The following RARB variants were observed in gnomAD, a reference collection of about 807,000 sequenced individuals.
RARB encodes HBV-activated protein.
Under a neutral mutation model 51.9 loss-of-function variants are expected in RARB, and 17 were observed. The ratio of observed to expected loss-of-function variants is 0.33; its 90% CI spans 0.22 to 0.49. The LOEUF (loss-of-function observed/expected upper bound fraction) is 0.49. Among genes scored for constraint, RARB ranks in the 20% least tolerant of loss-of-function variants. The pLI is 0.99. For synonymous variants in RARB, 215 were observed against 195.4 expected (o/e 1.10, Z -0.84); for missense variants, 369 against 550.8 (o/e 0.67, Z 3.30).
rs373586842 is a variant in RARB, at chr3:25,206,906, G to A, written c.178+32331G>A. On this transcript the variant is annotated intron_variant, in intron 5 of 11. Coordinates refer to the RARB transcript ENST00000383772. Reference sequence around the variant, plus strand: ...GTGCCTCTCCAGTTGTCAGTCACAGGTGCACCCACAGCTACTTGACCACAT... The same window carrying A: ...GTGCCTCTCCAGTTGTCAGTCACAGATGCACCCACAGCTACTTGACCACAT... Among the ~76,000 whole-genome samples the A allele has an allele frequency of 5.9e-4, 90 of 152,212 alleles. 2 individuals carry two copies. The South Asian group carries it at 0.015, about 25-fold the overall frequency.
chr3:25,383,084 A>G (rs940151748), intron 5 of RARB, among the ~76,000 whole-genome samples: 4 of 152,214 alleles, frequency 2.6e-5, no homozygotes, highest in African/African-American at 9.6e-5. Context: ...TGCATCTACT[A>G]TGCAAGTACA....
Position 25,048,790 on chromosome 3 carries a change from CTG to C in RARB, c.-379-11333_-379-11332del, listed in dbSNP as rs1245555745. On this transcript the variant is annotated intron_variant, in intron 2 of 11. Transcript: ENST00000383772. ...TTTTTTTTTGAGACGGAGTCTCGCTCTGTTGCCCAGGCTGGAGTGCAGTGGCG... is the reference window on the plus strand; with the variant it reads ...TTTTTTTTTGAGACGGAGTCTCGCTCTTGCCCAGGCTGGAGTGCAGTGGCG... Among the ~76,000 whole-genome samples the C allele has an allele frequency of 1.0e-3, 134 of 132,006 alleles. 2 individuals carry two copies. The highest frequency in any genetic ancestry group is 7.3e-4 in the South Asian group (3 of 4,120). The allele number at this position is 132,006 out of a possible 152,430, so 86.6% of individuals were successfully genotyped here. A position where few individuals can be genotyped will look rare whatever the true frequency, so the allele number is the denominator to read the frequency against.
chr3:25,431,705 T>C (rs1317471601), intron 1 of RARB, among the ~76,000 whole-genome samples: 2 of 152,280 alleles, frequency 1.3e-5, no homozygotes, highest in East Asian at 3.9e-4. Context: ...TTCCCTGTCT[T>C]TTCTCCCTAC....
intron 5 of RARB, among the ~76,000 whole-genome samples, chr3:25,356,623 T>C (rs1032498149): frequency 4.1e-4 from 63 of 152,170 alleles, no homozygotes; most frequent in African/African-American, 1.5e-3. Flanking sequence ...CATCAACCCA[T>C]CATCTACATT....
intron 3 of RARB, among the ~76,000 whole-genome samples, chr3:25,117,934 T>C (rs1260266727): frequency 6.6e-6 from 1 of 152,144 alleles, no homozygotes; most frequent in Non-Finnish European, 1.5e-5. Context: ...AATTGAAGGG[T>C]GAAATAAGGT....
chr3:25,198,959 G>C (rs528349973), intron 5 of RARB, among the ~76,000 whole-genome samples: 1 of 152,042 alleles, frequency 6.6e-6, no homozygotes, highest in South Asian at 2.1e-4. Flanking sequence ...CCCCAAAAAA[G>C]GAAATCGGTA....
chr3:25,346,474 T>G (rs1705397557), intron 5 of RARB, among the ~76,000 whole-genome samples: 1 of 152,166 alleles, frequency 6.6e-6, no homozygotes, highest in Admixed American at 6.5e-5. Flanking sequence ...CAAATTAACA[T>G]TTTTATTGAA....
At chr3:25,113,760 A>G (rs1699641750) in intron 3 of RARB, among the ~76,000 whole-genome samples, 1 of 152,160 alleles carries the variant, frequency 6.6e-6, no homozygotes, top group Non-Finnish European at 1.5e-5. Flanking sequence ...GTAGGTAGAA[A>G]GCAGTTCCAG....
intron 5 of RARB, among the ~76,000 whole-genome samples, chr3:25,265,382 A>G (rs79226544): frequency 0.044 from 6,661 of 152,290 alleles, 467 homozygotes; most frequent in African/African-American, 0.15. Context: ...ATTTGTATCA[A>G]TTGACATCTC....
chr3:25,131,210 T>A (rs1206550922), intron 3 of RARB, among the ~76,000 whole-genome samples: 1 of 151,816 alleles, frequency 6.6e-6, no homozygotes, highest in Non-Finnish European at 1.5e-5. Flanking sequence ...TAAGCCAAGT[T>A]TTAGGCAAAA....
chr3:24,950,312 T>TC (rs1695862344), intron 2 of RARB, among the ~76,000 whole-genome samples: 1 of 152,200 alleles, frequency 6.6e-6, no homozygotes, highest in Non-Finnish European at 1.5e-5. Flanking sequence ...AATTTCACCA[T>TC]CTCATATAAA....
At chr3:24,857,149 G>C (rs1702649600) in intron 1 of RARB, among the ~76,000 whole-genome samples, 2 of 152,094 alleles carry the variant, frequency 1.3e-5, no homozygotes, top group African/African-American at 4.8e-5. Flanking sequence ...AAAAATCAAG[G>C]ATGTTGCCAT....
At chr3:25,559,813 A>G (rs1195101458) in intron 3 of RARB, among the ~76,000 whole-genome samples, 1 of 152,154 alleles carries the variant, frequency 6.6e-6, no homozygotes, top group Non-Finnish European at 1.5e-5. Context: ...TAGGTGGATC[A>G]ATGGATGGAA....
intron 5 of RARB, among the ~76,000 whole-genome samples, chr3:25,591,079 A>T (rs1351599209): frequency 2.6e-5 from 4 of 152,206 alleles, no homozygotes; most frequent in African/African-American, 9.7e-5. Context: ...AACCAGTGGA[A>T]ATGGCTGGGC....
Position 25,596,752 on chromosome 3 carries a change from C to A in RARB, c.*136C>A, listed in dbSNP as rs577416577. On this transcript the variant is annotated 3_prime_UTR_variant, in exon 8 of 8. Coordinates refer to ENST00000330688, the MANE Select transcript of RARB (RefSeq NM_000965.5). ...AACTCAAGAAGGACCAAGAAGTTTT[C>A]ATATGTATCAATATATATACTCCTC... is the stretch of plus-strand genomic sequence containing the variant. 7.6e-5 allele frequency: 56 copies of A among 741,422 alleles called. No individual in the cohort carries two copies. The highest frequency in any genetic ancestry group is 1.1e-4 in the Non-Finnish European group (51 of 469,076). The allele number at this position is 741,422 out of a possible 1,614,324, so 45.9% of individuals were successfully genotyped here.
intron 2 of RARB, among the ~76,000 whole-genome samples, chr3:24,960,199 T>G (rs1385722788): frequency 6.6e-6 from 1 of 152,222 alleles, no homozygotes. Context: ...CTCTAATACT[T>G]AAATTGGAGT....
chr3:24,902,102 T>C (rs1187741192), intron 2 of RARB, among the ~76,000 whole-genome samples: 1 of 152,152 alleles, frequency 6.6e-6, no homozygotes, highest in African/African-American at 2.4e-5. Flanking sequence ...ATAATCATTG[T>C]ACTAGATTGA....
intron 2 of RARB, among the ~76,000 whole-genome samples, chr3:24,864,864 G>A (rs1472619882): frequency 6.6e-6 from 1 of 152,176 alleles, no homozygotes; most frequent in Non-Finnish European, 1.5e-5. Context: ...AAATTGCTGG[G>A]TAGTATTTCT....
intron 2 of RARB, among the ~76,000 whole-genome samples, chr3:25,482,742 T>C (rs1696293434): frequency 6.6e-6 from 1 of 151,756 alleles, no homozygotes. Context: ...GGTTTCACCA[T>C]GTTAGCCAGG....
Sources: gnomAD v4.1 joint callset for allele counts (sites outside exome capture counted in the v4.1 genomes callset) on GRCh38, gnomAD v4.1.1 for gene constraint, MANE v1.5 for transcripts, NCBI Gene and HGNC (gene_info 2026-07-23, HGNC 2026-07-21) for gene names.